The following SHISA6 variants were observed in gnomAD, a reference collection of about 807,000 sequenced individuals.
SHISA6 encodes shisa family member 6, also known as protein shisa-6.
SHISA6 carries 22 observed loss-of-function variants against 47.9 expected under a neutral mutation model. The ratio of observed to expected loss-of-function variants is 0.46; its 90% confidence interval spans 0.33 to 0.66. The LOEUF is 0.66. Ranked by LOEUF, SHISA6 falls within the 30% of genes least tolerant of loss-of-function variation. The pLI is 0.02. For synonymous variants in SHISA6, 388 were observed against 337.8 expected (o/e 1.15, Z -1.63); for missense variants, 680 against 764.6 (o/e 0.89, Z 1.30).
intron 2 of SHISA6, among the ~76,000 whole-genome samples, chr17:11,338,370 T>G (rs2142210652): frequency 6.6e-6 from 1 of 152,288 alleles, no homozygotes; most frequent in Admixed American, 6.5e-5. Context: ...AAGCAAGTCC[T>G]CTTCATACCA....
chr17:11,371,719 A>T (rs1912635279), intron 2 of SHISA6, among the ~76,000 whole-genome samples: 1 of 151,932 alleles, frequency 6.6e-6, no homozygotes, highest in Middle Eastern at 3.4e-3. Context: ...TTTTCAAATT[A>T]AAAAGTACAG....
intron 2 of SHISA6, among the ~76,000 whole-genome samples, chr17:11,313,846 G>GGA (rs144179066): frequency 6.6e-6 from 1 of 151,522 alleles, no homozygotes; most frequent in Non-Finnish European, 1.5e-5. Context: ...AGATGAAGAC[G>GGA]GAGAGAGAGA....
chr17:11,273,088 TATC>T (rs1908741652), intron 2 of SHISA6, among the ~76,000 whole-genome samples: 1 of 152,192 alleles, frequency 6.6e-6, no homozygotes, highest in Non-Finnish European at 1.5e-5. Context: ...TGGACTGACC[TATC>T]TAATTCTTGT....
intron 3 of SHISA6, among the ~76,000 whole-genome samples, chr17:11,529,059 G>T (rs997491392): frequency 6.6e-6 from 1 of 151,874 alleles, no homozygotes; most frequent in African/African-American, 2.4e-5. Context: ...CGGACATGGT[G>T]GTGGGCGCCT....
At chr17:11,520,287 T>C (rs1037285107) in intron 3 of SHISA6, among the ~76,000 whole-genome samples, 5 of 152,196 alleles carry the variant, frequency 3.3e-5, no homozygotes, top group African/African-American at 1.2e-4. Flanking sequence ...TTTTTCCCCA[T>C]CTCAGCAAAG....
intron 2 of SHISA6, among the ~76,000 whole-genome samples, chr17:11,330,870 T>A (rs1328981167): frequency 6.6e-6 from 1 of 152,194 alleles, no homozygotes; most frequent in East Asian, 1.9e-4. Context: ...CTGACTTTTC[T>A]GAGTGCTCGT....
At chr17:11,275,794 G>C (rs1908865007) in intron 2 of SHISA6, among the ~76,000 whole-genome samples, 1 of 152,086 alleles carries the variant, frequency 6.6e-6, no homozygotes, top group Admixed American at 6.5e-5. Flanking sequence ...GAGAGAGCCA[G>C]GATAGAGACA....
At chr17:11,329,685 T>A (rs1911029644) in intron 2 of SHISA6, among the ~76,000 whole-genome samples, 5 of 152,100 alleles carry the variant, frequency 3.3e-5, no homozygotes, top group African/African-American at 9.7e-5. Flanking sequence ...GTGGTTTTTT[T>A]AAAGAAGATC....
intron 2 of SHISA6, among the ~76,000 whole-genome samples, chr17:11,294,993 G>A (rs758001551): frequency 4.6e-5 from 7 of 152,304 alleles, no homozygotes; most frequent in African/African-American, 1.2e-4. Context: ...AGGATAGCGC[G>A]GCAGTCGATC....
intron 3 of SHISA6, among the ~76,000 whole-genome samples, chr17:11,425,641 G>A (rs376267299): frequency 2.0e-5 from 3 of 152,042 alleles, no homozygotes; most frequent in Non-Finnish European, 4.4e-5. Context: ...AAACCTCAGG[G>A]CTACATCCAG....
At chr17:11,415,151 G>A (rs540665036) in intron 3 of SHISA6, among the ~76,000 whole-genome samples, 1 of 152,198 alleles carries the variant, frequency 6.6e-6, no homozygotes, top group African/African-American at 2.4e-5. Flanking sequence ...ATAATAGGGA[G>A]CATTTATTCA....
chr17:11,433,083 A>G (rs1914833964), intron 3 of SHISA6, among the ~76,000 whole-genome samples: 1 of 152,206 alleles, frequency 6.6e-6, no homozygotes, highest in Admixed American at 6.5e-5. Context: ...CAGCTATTAT[A>G]TATATCTTTT....
chr17:11,534,578 T>C (rs893091084), intron 3 of SHISA6, among the ~76,000 whole-genome samples: 2 of 152,090 alleles, frequency 1.3e-5, no homozygotes, highest in African/African-American at 2.4e-5. Flanking sequence ...TAGAAAGTGG[T>C]AAGCACCCCC....
At chr17:11,379,771 G>C (rs1310142181) in intron 3 of SHISA6, 10 of 357,646 alleles carry the variant, frequency 2.8e-5, no homozygotes, top group Non-Finnish European at 5.1e-5. Flanking sequence ...GCGGCTCCTT[G>C]TGGGAAGGGA....
At chr17:11,410,055 G>C (rs1914073084) in intron 3 of SHISA6, among the ~76,000 whole-genome samples, 1 of 152,200 alleles carries the variant, frequency 6.6e-6, no homozygotes, top group African/African-American at 2.4e-5. Context: ...ATCGTTTTCT[G>C]TTGGCAGTAG....
At chr17:11,515,807 G>C (rs561255326) in intron 3 of SHISA6, among the ~76,000 whole-genome samples, 4 of 152,174 alleles carry the variant, frequency 2.6e-5, no homozygotes, top group Non-Finnish European at 5.9e-5. Context: ...AAGGAGACCT[G>C]GGCAGGGCAC....
At chr17:11,545,061 A>T (rs2071872015) in intron 3 of SHISA6, among the ~76,000 whole-genome samples, 1 of 152,048 alleles carries the variant, frequency 6.6e-6, no homozygotes, top group Non-Finnish European at 1.5e-5. Flanking sequence ...GTATGTTGAC[A>T]TGACAACCTG....
rs1290444190 is a variant in SHISA6 at position 11,462,607 on chromosome 17, G to A, written c.895+83098G>A. On this transcript the variant is annotated intron_variant, in intron 3 of 5. Coordinates refer to ENST00000441885, the MANE Select transcript of SHISA6 (RefSeq NM_207386.4). ...ATAATAAACACAGCTGACAGTGTGG[G>A]GTTTTTTTTGTTTGTTTGTTTTTGT... Among the ~76,000 whole-genome samples the A allele has an allele frequency of 3.3e-5, 5 of 152,142 alleles. No homozygotes were observed. The South Asian group carries it at 1.0e-3, about 32-fold the overall frequency.
intron 3 of SHISA6, among the ~76,000 whole-genome samples, chr17:11,454,548 A>G (rs576574802): frequency 3.3e-5 from 5 of 152,236 alleles, no homozygotes; most frequent in African/African-American, 9.6e-5. Flanking sequence ...ATTGTCCTGC[A>G]CAGTCAATTA....
Sources: allele counts gnomAD v4.1 joint callset (sites outside exome capture counted in the v4.1 genomes callset), GRCh38; gene constraint gnomAD v4.1.1; transcripts MANE v1.5; gene names NCBI Gene and HGNC (gene_info 2026-07-23, HGNC 2026-07-21).